Variants in PPP2R2B observed in about 807,000 individuals in gnomAD.
The protein encoded by PPP2R2B is serine/threonine-protein phosphatase 2A 55 kDa regulatory subunit B beta isoform.
Under a neutral mutation model 46.0 loss-of-function variants are expected in PPP2R2B, and 5 were observed. The observed-to-expected ratio is 0.11, with a 90% CI of 0.06 to 0.23. The LOEUF (loss-of-function observed/expected upper bound fraction) is 0.23, where lower values mean the gene tolerates loss of function less well. PPP2R2B is among the 10% of genes least tolerant of loss of function. PPP2R2B has a pLI of 1.00. For synonymous variants in PPP2R2B, 215 were observed against 206.7 expected, an observed-to-expected ratio of 1.04 and a Z score of -0.34; for missense variants, 367 against 575.0, an observed-to-expected ratio of 0.64 and a Z score of 3.70.
intron 1 of PPP2R2B, among the ~76,000 whole-genome samples, chr5:146,927,137 C>T (rs773549265): frequency 2.0e-5 from 3 of 152,110 alleles, no homozygotes; most frequent in Non-Finnish European, 4.4e-5. Context: ...AGTGATGTCC[C>T]ATGATTTTTA....
At chr5:147,060,646 A>C (rs1448543818), upstream of PPP2R2B, among the ~76,000 whole-genome samples, 2 of 152,030 alleles carry the variant, frequency 1.3e-5, no homozygotes, top group Admixed American at 1.3e-4. Context: ...AAAAGAAACA[A>C]CAAAAAAACA....
intron 1 of PPP2R2B, among the ~76,000 whole-genome samples, chr5:147,006,282 T>C (rs763508541): frequency 7.9e-5 from 12 of 152,210 alleles, no homozygotes; most frequent in Non-Finnish European, 1.6e-4. Context: ...AATCTTAAAG[T>C]ACTTACAGAA....
chr5:146,691,338 G>A, intron 4 of PPP2R2B, 98 bp from the exon 5 acceptor site: 3 of 896,382 alleles, frequency 3.3e-6, no homozygotes. Context: ...GGTAAGGATG[G>A]ATAGAATTGC....
At chr5:146,763,981 C>T (rs965186242) in intron 2 of PPP2R2B, among the ~76,000 whole-genome samples, 9 of 152,264 alleles carry the variant, frequency 5.9e-5, no homozygotes, top group African/African-American at 2.2e-4. Context: ...CTTGCCTTGG[C>T]CTCCCAAAGT....
chr5:146,683,985 T>G (rs1222077472), intron 5 of PPP2R2B, among the ~76,000 whole-genome samples: 1 of 152,270 alleles, frequency 6.6e-6, no homozygotes, highest in African/African-American at 2.4e-5. Context: ...ATGGGGAGGA[T>G]AGAGCGAAGG....
chr5:146,812,486 A>G (rs1757613664), intron 2 of PPP2R2B, among the ~76,000 whole-genome samples: 1 of 31,232 alleles, frequency 3.2e-5, no homozygotes, highest in Admixed American at 3.5e-4. Flanking sequence ...AGCAGTATAT[A>G]TATATATACT....
At chr5:146,603,297 G>A (rs1771953978) in intron 7 of PPP2R2B, among the ~76,000 whole-genome samples, 1 of 152,156 alleles carries the variant, frequency 6.6e-6, no homozygotes, top group Non-Finnish European at 1.5e-5. Flanking sequence ...CATAAAGAAT[G>A]TTTACATTTT....
intron 2 of PPP2R2B, among the ~76,000 whole-genome samples, chr5:146,770,845 A>T (rs193268970): frequency 6.6e-6 from 1 of 152,326 alleles, no homozygotes; most frequent in African/African-American, 2.4e-5. Flanking sequence ...AGGCTCAAGC[A>T]GTTGCAGAGG....
chr5:147,070,226 C>T (rs371953856), intron 2 of PPP2R2B, among the ~76,000 whole-genome samples: 3 of 152,168 alleles, frequency 2.0e-5, no homozygotes, highest in East Asian at 1.9e-4. Context: ...TTGAGGGCTT[C>T]TGTGTTTTCA....
chr5:146,985,473 A>G (rs570810206), intron 1 of PPP2R2B, among the ~76,000 whole-genome samples: 153 of 152,260 alleles, frequency 1.0e-3, no homozygotes, highest in African/African-American at 3.4e-3. Flanking sequence ...TCAAAAAATT[A>G]TTGCCTAAAC....
At chr5:147,054,025 T>A (rs990333776) in intron 1 of PPP2R2B, among the ~76,000 whole-genome samples, 1 of 152,176 alleles carries the variant, frequency 6.6e-6, no homozygotes, top group Non-Finnish European at 1.5e-5. Context: ...CCCTGAAATC[T>A]GGTGATAGTG....
intron 1 of PPP2R2B, among the ~76,000 whole-genome samples, chr5:147,002,535 A>C (rs1049364882): frequency 2.1e-4 from 31 of 149,424 alleles, no homozygotes; most frequent in Non-Finnish European, 1.8e-4. Flanking sequence ...AGAATGTGTC[A>C]GTAAGGGCCA....
At chr5:146,593,417 C>T (rs1019672456) in intron 8 of PPP2R2B, among the ~76,000 whole-genome samples, 5 of 152,214 alleles carry the variant, frequency 3.3e-5, no homozygotes, top group African/African-American at 7.2e-5. Context: ...ATACCTACTA[C>T]GCACTTGAGA....
chr5:146,855,608 C>T (rs1330404731), intron 2 of PPP2R2B, among the ~76,000 whole-genome samples: 2 of 152,064 alleles, frequency 1.3e-5, no homozygotes, highest in East Asian at 3.9e-4. Flanking sequence ...CCTCTTCGTT[C>T]CTTTTATTAA....
intron 1 of PPP2R2B, among the ~76,000 whole-genome samples, chr5:147,020,447 G>A (rs1210670100): frequency 1.3e-5 from 2 of 151,974 alleles, no homozygotes; most frequent in Non-Finnish European, 2.9e-5. Context: ...TGTATTGAGT[G>A]AATATATGCA....
intron 1 of PPP2R2B, among the ~76,000 whole-genome samples, chr5:146,921,707 T>A (rs2151814995): frequency 6.6e-6 from 1 of 152,262 alleles, no homozygotes; most frequent in Admixed American, 6.5e-5. Flanking sequence ...CATCTCTGCT[T>A]CTCTGTATCA....
At position 146,878,269 on chromosome 5, in the gene PPP2R2B, G is replaced by A; in HGVS notation, c.-124-74C>T. Reference sequence around the variant, plus strand: ...ATGGAGCTGTCACCTCCTCCACTCGGGTTCTGCGAGGCTGCGGCGGCTCCT... The same window carrying A: ...ATGGAGCTGTCACCTCCTCCACTCGAGTTCTGCGAGGCTGCGGCGGCTCCT... On this transcript the variant is annotated intron_variant, in intron 1 of 9. Transcript: ENST00000394411. This position sits in a 1 kb window ranked among gnomAD's most constrained non-coding sequence, Gnocchi z 4.5. 6.8e-7 allele frequency: 1 copy of A among 1,474,148 alleles called. No homozygotes were observed. Among genetic ancestry groups the A allele is most frequent in the South Asian group, 1.4e-5 (1 of 72,252 alleles). 91.3% of individuals were successfully genotyped at this position (1,474,148 alleles called of 1,614,324 possible). A position where few individuals can be genotyped will look rare whatever the true frequency, so the allele number is the denominator to read the frequency against.
intron 2 of PPP2R2B, among the ~76,000 whole-genome samples, chr5:146,864,028 C>T (rs1202032707): frequency 1.3e-5 from 2 of 152,114 alleles, no homozygotes; most frequent in African/African-American, 4.8e-5. Context: ...AAATTTATTC[C>T]TATCATCTAG....
intron 1 of PPP2R2B, among the ~76,000 whole-genome samples, chr5:146,928,883 A>G (rs888225456): frequency 1.3e-5 from 2 of 152,130 alleles, no homozygotes; most frequent in Non-Finnish European, 2.9e-5. Flanking sequence ...CAATTCACTC[A>G]TCTTTCACTA....
Sources: allele counts gnomAD v4.1 joint callset (sites outside exome capture counted in the v4.1 genomes callset), GRCh38; gene constraint gnomAD v4.1.1; non-coding constraint Gnocchi (gnomAD v3.1); transcripts MANE v1.5; gene names NCBI Gene and HGNC (gene_info 2026-07-23, HGNC 2026-07-21).